The following TRPM3 variants were observed in gnomAD, a reference collection of about 807,000 sequenced individuals.
TRPM3 encodes the protein long transient receptor potential channel 3.
In TRPM3, 77 loss-of-function variants were observed where a neutral mutation model predicts 181.2. That is an observed-to-expected ratio of 0.42 (90% CI 0.35 to 0.51). The LOEUF is 0.51. Among genes scored for constraint, TRPM3 ranks in the 20% least tolerant of loss-of-function variants. The probability of loss-of-function intolerance (pLI) is 0.01; values close to 1 mark genes in which losing one functional copy is unlikely to be tolerated. For synonymous variants in TRPM3, 745 were observed against 796.4 expected (o/e 0.94, Z 1.09); for missense variants, 1,759 against 2,196.7 (o/e 0.80, Z 3.98).
intron 6 of TRPM3, chr9:70,809,855 G>T: frequency 2.2e-6 from 1 of 463,868 alleles, no homozygotes. Flanking sequence ...GTTCTACTAT[G>T]ACCTTTAACA....
At chr9:71,129,839 G>A (rs1037218796) in intron 1 of TRPM3, among the ~76,000 whole-genome samples, 1 of 152,108 alleles carries the variant, frequency 6.6e-6, no homozygotes, top group African/African-American at 2.4e-5. Context: ...TCTTCCAGAA[G>A]CTCTGGGTTT....
intron 1 of TRPM3, among the ~76,000 whole-genome samples, chr9:70,882,084 A>C (rs2096004364): frequency 6.6e-6 from 1 of 152,226 alleles, no homozygotes; most frequent in Non-Finnish European, 1.5e-5. Flanking sequence ...ACTAAGAGTC[A>C]ACTCAACTTA....
At chr9:71,166,443 G>A (rs1490654360) in intron 1 of TRPM3, among the ~76,000 whole-genome samples, 1 of 152,008 alleles carries the variant, frequency 6.6e-6, no homozygotes, top group Non-Finnish European at 1.5e-5. Flanking sequence ...GAGGAAGTGA[G>A]GATCTAGAGA....
intron 1 of TRPM3, among the ~76,000 whole-genome samples, chr9:71,387,059 A>C (rs969733244): frequency 2.0e-5 from 3 of 152,222 alleles, no homozygotes; most frequent in Non-Finnish European, 4.4e-5. Flanking sequence ...ATATAAGAAT[A>C]AGTTAGGTCA....
intron 1 of TRPM3, among the ~76,000 whole-genome samples, chr9:71,234,823 T>G (rs60150036): frequency 0.019 from 2,865 of 152,326 alleles, 98 homozygotes; most frequent in African/African-American, 0.066. Flanking sequence ...CTGTTATCCA[T>G]CACCTTCTTT....
At chr9:71,226,147 G>A (rs1277910617) in intron 1 of TRPM3, among the ~76,000 whole-genome samples, 1 of 147,310 alleles carries the variant, frequency 6.8e-6, no homozygotes, top group Non-Finnish European at 1.5e-5. Context: ...TTATTTGCAA[G>A]CCTCATGGTA....
chr9:71,133,480 G>C (rs1309557480), intron 1 of TRPM3, among the ~76,000 whole-genome samples: 1 of 151,764 alleles, frequency 6.6e-6, no homozygotes, highest in African/African-American at 2.4e-5. Context: ...TGTATTTTTA[G>C]TAGAGATGGC....
chr9:71,128,703 A>G (rs529524563), intron 1 of TRPM3, among the ~76,000 whole-genome samples: 10 of 152,328 alleles, frequency 6.6e-5, no homozygotes, highest in African/African-American at 2.4e-4. Flanking sequence ...TAACTTACGA[A>G]TTAATATATT....
intron 1 of TRPM3, among the ~76,000 whole-genome samples, chr9:71,361,819 G>A (rs530946002): frequency 6.6e-6 from 1 of 152,112 alleles, no homozygotes; most frequent in South Asian, 2.1e-4. Flanking sequence ...ATTTAAGCTG[G>A]ATTTATTACA....
intron 1 of TRPM3, among the ~76,000 whole-genome samples, chr9:71,365,642 G>C (rs1299402806): frequency 1.3e-5 from 2 of 152,034 alleles, no homozygotes; most frequent in East Asian, 3.9e-4. Flanking sequence ...TATTATATTG[G>C]GGTTGTAGAA....
chr9:71,364,233 G>A (rs182828640), intron 1 of TRPM3, among the ~76,000 whole-genome samples: 1 of 152,156 alleles, frequency 6.6e-6, no homozygotes, highest in Non-Finnish European at 1.5e-5. Flanking sequence ...TATTCTCGGG[G>A]AAGCCTTAAT....
At chr9:70,879,424 A>G (rs1340002283) in intron 1 of TRPM3, among the ~76,000 whole-genome samples, 1 of 152,064 alleles carries the variant, frequency 6.6e-6, no homozygotes, top group Non-Finnish European at 1.5e-5. Flanking sequence ...TTTAAGATTT[A>G]AATTTTCCTT....
intron 1 of TRPM3, among the ~76,000 whole-genome samples, chr9:71,117,183 A>C (rs1278126482): frequency 1.3e-5 from 2 of 152,150 alleles, no homozygotes; most frequent in Non-Finnish European, 2.9e-5. Flanking sequence ...CTCTAATCTA[A>C]TCTTTCAGCT....
Position 71,121,620 on chromosome 9 carries a change from A to C in TRPM3, c.-266T>G. The C allele has an allele frequency of 2.5e-6, 3 of 1,208,572 alleles. No individual in the cohort carries two copies. The highest frequency in any genetic ancestry group is 2.1e-6 in the Non-Finnish European group (2 of 970,842). The allele number at this position is 1,208,572 out of a possible 1,614,324, so 74.9% of individuals were successfully genotyped here. On this transcript the variant is annotated 5_prime_UTR_variant, in exon 1 of 26. Transcript: ENST00000677713. ...CGGAGTCAAAGCAGCCTGCTCCAGA[A>C]TGCGCGCTCCCTCTCCCGCTCTCCT... is the stretch of plus-strand genomic sequence containing the variant.
rs1162577364 is a variant in TRPM3 at position 71,059,011 on chromosome 9, A to ATTTTTTTTTTTTT, written c.177+62154_177+62166dup. Among the ~76,000 whole-genome samples the ATTTTTTTTTTTTT allele has an allele frequency of 1.7e-4, 9 of 52,640 alleles. 1 individual carries two copies. The highest frequency in any genetic ancestry group is 2.6e-3 in the South Asian group (2 of 762). 34.5% of individuals were successfully genotyped at this position (52,640 alleles called of 152,430 possible). On this transcript the variant is annotated intron_variant, in intron 1 of 25. Transcript: ENST00000677713. ...ATTTCTCTGAAGTTTTTGTTTGTTCATTTTTTTTTTTTTTTTTTTTTTTTT... is the reference window on the plus strand; with the variant it reads ...ATTTCTCTGAAGTTTTTGTTTGTTCATTTTTTTTTTTTTTTTTTTTTTTTTTTTTTTTTTTTTT...
chr9:70,854,306 T>A (rs2095327309), intron 3 of TRPM3, among the ~76,000 whole-genome samples: 1 of 152,336 alleles, frequency 6.6e-6, no homozygotes, highest in East Asian at 1.9e-4. Flanking sequence ...AGCAGCATGA[T>A]ACTTGAGTGT....
chr9:71,267,099 C>T (rs2083444051), intron 1 of TRPM3, among the ~76,000 whole-genome samples: 1 of 152,200 alleles, frequency 6.6e-6, no homozygotes, highest in South Asian at 2.1e-4. Flanking sequence ...GCTATTCTGC[C>T]TACCTGGAGC....
intron 1 of TRPM3, among the ~76,000 whole-genome samples, chr9:71,001,764 A>G (rs567520337): frequency 2.6e-4 from 39 of 152,340 alleles, no homozygotes; most frequent in African/African-American, 8.4e-4. Flanking sequence ...TTCTAAACCT[A>G]AAGGGAGCAT....
intron 18 of TRPM3, among the ~76,000 whole-genome samples, 156 bp downstream of exon 18, chr9:70,615,752 G>T (rs1265444361): frequency 6.6e-6 from 1 of 152,154 alleles, no homozygotes; most frequent in Non-Finnish European, 1.5e-5. Flanking sequence ...CAATACCCTG[G>T]TCTCAATACT....
Sources: allele counts gnomAD v4.1 joint callset (sites outside exome capture counted in the v4.1 genomes callset), GRCh38; gene constraint gnomAD v4.1.1; transcripts MANE v1.5; gene names NCBI Gene and HGNC (gene_info 2026-07-23, HGNC 2026-07-21).